Variants in DLGAP1 observed in about 807,000 individuals in gnomAD.
The protein encoded by DLGAP1 is DLG associated protein 1.
DLGAP1 carries 11 observed loss-of-function variants against 90.8 expected under a neutral mutation model. The observed-to-expected ratio is 0.12, with a 90% CI of 0.08 to 0.20. The LOEUF (loss-of-function observed/expected upper bound fraction) is 0.20, where lower values mean the gene tolerates loss of function less well. DLGAP1 is among the 10% of genes least tolerant of loss of function. The probability of loss-of-function intolerance (pLI) is 1.00; values close to 1 mark genes in which losing one functional copy is unlikely to be tolerated. For synonymous variants in DLGAP1, 558 were observed against 540.7 expected, an observed-to-expected ratio of 1.03 and a Z score of -0.44; for missense variants, 1,050 against 1,333.8, an observed-to-expected ratio of 0.79 and a Z score of 3.31.
intron 1 of DLGAP1, among the ~76,000 whole-genome samples, chr18:4,449,445 C>A (rs2083761408): frequency 6.6e-6 from 1 of 152,168 alleles, no homozygotes; most frequent in Admixed American, 6.5e-5. Context: ...GACCAAAGAA[C>A]ACAGCATCTG....
intron 2 of DLGAP1, among the ~76,000 whole-genome samples, chr18:4,014,537 T>C (rs749069468): frequency 6.6e-6 from 1 of 152,150 alleles, no homozygotes; most frequent in Non-Finnish European, 1.5e-5. Context: ...TCAAAGTAGC[T>C]AGAAGCAAAG....
At chr18:4,247,551 G>A (rs183379642) in intron 1 of DLGAP1, among the ~76,000 whole-genome samples, 7 of 152,184 alleles carry the variant, frequency 4.6e-5, no homozygotes, top group East Asian at 1.9e-4. Flanking sequence ...CGAGCCGAGC[G>A]GATCACCTGA....
chr18:3,499,698 T>C lies in DLGAP1; in HGVS notation c.2725-304A>G, dbSNP rs1036482712. On this transcript the variant is annotated intron_variant, in intron 12 of 12. Transcript: ENST00000315677. This position sits in a 1 kb window ranked among gnomAD's most constrained non-coding sequence, Gnocchi z 6.4. The stretch of plus-strand genomic sequence containing the variant: ...CGGAAAGCCTGCGGCTCCCAGCACA[T>C]TGAGTGCGGTTCTCTCTGGAGACTC... 3.3e-5 allele frequency among the ~76,000 whole-genome samples: 5 copies of C among 152,180 alleles called. No homozygotes were observed. The highest frequency in any genetic ancestry group is 3.9e-4 in the East Asian group (2 of 5,146).
chr18:3,921,933 G>T (rs1305643157), intron 3 of DLGAP1, among the ~76,000 whole-genome samples: 1 of 152,178 alleles, frequency 6.6e-6, no homozygotes, highest in Non-Finnish European at 1.5e-5. Context: ...TTCAGGAAGA[G>T]TGCTCTATTG....
rs2061584470 is a variant in DLGAP1, at chr18:3,711,085, G to T, written c.1591+18050C>A. ...CACGACAGAGGAAGTCAGAGAGCCA[G>T]GAGGGGCCGCCCTGGGCAAGGTCTG... On this transcript the variant is annotated intron_variant, in intron 7 of 12. Transcript: ENST00000315677. The surrounding 1 kb of genome is among the most constrained non-coding windows in gnomAD (Gnocchi z 4.0). Among the ~76,000 whole-genome samples the T allele has an allele frequency of 6.6e-6, 1 of 152,242 alleles. No individual in the cohort carries two copies. The highest frequency in any genetic ancestry group is 1.5e-5 in the Non-Finnish European group (1 of 68,042).
intron 7 of DLGAP1, among the ~76,000 whole-genome samples, chr18:3,662,676 A>G (rs1359514265): frequency 6.6e-6 from 1 of 152,204 alleles, no homozygotes; most frequent in Non-Finnish European, 1.5e-5. Flanking sequence ...AAGAGTCTGG[A>G]GGGTGGATCC....
chr18:3,846,644 T>C (rs566220458), intron 4 of DLGAP1, among the ~76,000 whole-genome samples: 1 of 152,316 alleles, frequency 6.6e-6, no homozygotes, highest in Admixed American at 6.5e-5. Flanking sequence ...ATACCTGCTA[T>C]AACATGGATA....
At chr18:3,742,880 T>C (rs2147706717) in intron 5 of DLGAP1, among the ~76,000 whole-genome samples, 1 of 152,314 alleles carries the variant, frequency 6.6e-6, no homozygotes, top group African/African-American at 2.4e-5. Flanking sequence ...GGCCATCTTT[T>C]TGTTTTTGGA....
chr18:3,794,698 CT>C (rs1303023109), intron 5 of DLGAP1, among the ~76,000 whole-genome samples: 2 of 152,184 alleles, frequency 1.3e-5, no homozygotes, highest in African/African-American at 4.8e-5. Flanking sequence ...CACTGCCCCC[CT>C]AGAGGGCAGA....
chr18:4,051,000 T>C (rs922236275), intron 2 of DLGAP1, among the ~76,000 whole-genome samples: 15 of 152,240 alleles, frequency 9.9e-5, no homozygotes, highest in Admixed American at 3.9e-4. Context: ...GTCATCAGAA[T>C]GTGTTGTTAT....
chr18:4,320,832 A>G (rs915828189), intron 1 of DLGAP1, among the ~76,000 whole-genome samples: 5 of 152,222 alleles, frequency 3.3e-5, no homozygotes, highest in African/African-American at 1.2e-4. Flanking sequence ...ACGTTTAATG[A>G]AAATGAAAAA....
chr18:4,346,897 C>T (rs1043395271), intron 1 of DLGAP1, among the ~76,000 whole-genome samples: 1 of 151,790 alleles, frequency 6.6e-6, no homozygotes. Context: ...AAAACAGTAA[C>T]TCTATAAATA....
At chr18:3,558,480 A>G (rs2053886972) in intron 9 of DLGAP1, among the ~76,000 whole-genome samples, 1 of 152,046 alleles carries the variant, frequency 6.6e-6, no homozygotes, top group East Asian at 1.9e-4. Context: ...TGATCCGCCC[A>G]CCTTGGCCTC....
chr18:4,362,450 A>G (rs1237382504), intron 1 of DLGAP1, among the ~76,000 whole-genome samples: 6 of 152,226 alleles, frequency 3.9e-5, no homozygotes, highest in Non-Finnish European at 5.9e-5. Context: ...TGAGGATATT[A>G]CACTAAGTGA....
intron 3 of DLGAP1, among the ~76,000 whole-genome samples, chr18:3,932,931 C>A (rs774380742): frequency 6.6e-6 from 1 of 152,124 alleles, no homozygotes; most frequent in Non-Finnish European, 1.5e-5. Context: ...TGAAGGACCA[C>A]CCAAAGGATA....
chr18:4,116,990 A>G (rs1042850811), intron 2 of DLGAP1, among the ~76,000 whole-genome samples: 3 of 152,204 alleles, frequency 2.0e-5, no homozygotes, highest in Non-Finnish European at 4.4e-5. Flanking sequence ...ATGTGACTGT[A>G]TTTGGAGACA....
chr18:4,205,210 G>A (rs1170521521), intron 1 of DLGAP1, among the ~76,000 whole-genome samples: 1 of 152,122 alleles, frequency 6.6e-6, no homozygotes, highest in Non-Finnish European at 1.5e-5. Flanking sequence ...TTCTCGGGAG[G>A]TTAAGAGGAG....
At chr18:4,362,743 C>T (rs941314144) in intron 1 of DLGAP1, among the ~76,000 whole-genome samples, 4 of 151,994 alleles carry the variant, frequency 2.6e-5, no homozygotes, top group Admixed American at 6.6e-5. Flanking sequence ...TTATATGTTA[C>T]GTACATTTTA....
At chr18:3,549,624 C>T (rs1348852224) in intron 9 of DLGAP1, among the ~76,000 whole-genome samples, 1 of 152,196 alleles carries the variant, frequency 6.6e-6, no homozygotes, top group African/African-American at 2.4e-5. Flanking sequence ...AGCCACCACC[C>T]CTGGCCTCTT....
Sources: gnomAD v4.1 joint callset for allele counts (sites outside exome capture counted in the v4.1 genomes callset) on GRCh38, gnomAD v4.1.1 for gene constraint, Gnocchi (gnomAD v3.1) non-coding constraint, MANE v1.5 for transcripts, NCBI Gene and HGNC (gene_info 2026-07-23, HGNC 2026-07-21) for gene names.